The following RANBP2 variants were observed in gnomAD, a reference collection of about 807,000 sequenced individuals.
RANBP2 encodes E3 SUMO-protein ligase RanBP2.
RANBP2 carries 57 observed loss-of-function variants against 303.6 expected under a neutral mutation model. The observed-to-expected ratio is 0.19, with a 90% confidence interval of 0.15 to 0.23. The LOEUF (loss-of-function observed/expected upper bound fraction) is 0.23, where lower values mean the gene tolerates loss of function less well. RANBP2 is among the 10% of genes least tolerant of loss of function. The probability of loss-of-function intolerance (pLI) is 1.00; values close to 1 mark genes in which losing one functional copy is unlikely to be tolerated. For synonymous variants in RANBP2, 1,167 were observed against 1,301.5 expected (o/e 0.90, Z 2.23); for missense variants, 3,138 against 3,780.8 (o/e 0.83, Z 4.46).
At chr2:109,075,581 A>AAC in the RANBP2 span, among the ~76,000 whole-genome samples, 2 of 50,308 alleles carry the variant, frequency 4.0e-5, no homozygotes, top group East Asian at 3.2e-4. Flanking sequence ...TAGACAAACA[A>AAC]AAAAAAAAAA....
chr2:109,731,386 T>C, the RANBP2 span, among the ~76,000 whole-genome samples: 74 of 152,252 alleles, frequency 4.9e-4, 1 homozygote, highest in Admixed American at 2.7e-3. Context: ...GCTCAATTTT[T>C]AGTTTTTTAA....
At chr2:109,723,705 T>C in the RANBP2 span, among the ~76,000 whole-genome samples, 1 of 152,208 alleles carries the variant, frequency 6.6e-6, no homozygotes, top group Non-Finnish European at 1.5e-5. Flanking sequence ...TTTTCTCCCA[T>C]TCTGTATAGG....
Position 108,769,752 on chromosome 2 carries a change from T to C in RANBP2, c.7849+1364T>C, listed in dbSNP as rs553868162. ...GTTGTATTTGAAAATGGACCCCGTT[T>C]TTAACAGCCAGCATTCTACAGCTTG... On this transcript the variant is annotated intron_variant, in intron 20 of 28. Transcript: ENST00000283195. Among the ~76,000 whole-genome samples the C allele has an allele frequency of 9.2e-5, 14 of 152,044 alleles. No homozygotes were observed. The South Asian group carries it at 2.9e-3, about 32-fold the overall frequency.
chr2:109,613,696 T>A, the RANBP2 span: 1 of 791,736 alleles, frequency 1.3e-6, no homozygotes, highest in Non-Finnish European at 1.7e-6. Flanking sequence ...GGGGCGCGGG[T>A]CACAATCCCG....
At chr2:109,644,428 C>T in the RANBP2 span, among the ~76,000 whole-genome samples, 4 of 152,256 alleles carry the variant, frequency 2.6e-5, no homozygotes, top group African/African-American at 7.2e-5. Flanking sequence ...GTGAATGCCT[C>T]GGGCGGTTCC....
Position 108,768,249 on chromosome 2 carries a change from C to A in RANBP2, c.7710C>A (p.Ser2570Arg), listed in dbSNP as rs748626354. 4.3e-6 allele frequency: 7 copies of A among 1,611,922 alleles called. No homozygotes were observed. In the South Asian group the frequency reaches 6.6e-5, roughly 15 times the overall value. Residue 2570 changes from serine (S) to arginine (R), a missense_variant, in exon 20 of 29, where the codon AGC becomes AGA. Ser to Arg is a moderately radical substitution (Grantham distance 110, BLOSUM62 -1). Around this residue, in one of 20 missense-constraint regions of RANBP2, gnomAD observed 497 missense variants for 465.8 expected, o/e 1.07. Coordinates refer to ENST00000283195, the MANE Select transcript of RANBP2 (RefSeq NM_006267.5). Reference protein sequence around the residue: ...TSSVAQSGSESKVEPKKCELS... With the variant: ...TSSVAQSGSERKVEPKKCELS... Reference sequence around the variant, plus strand: ...CAGTAGCCCAGAGTGGATCTGAAAGCAAAGTGGAACCTAAAAAATGTGAAC... The same window carrying A: ...CAGTAGCCCAGAGTGGATCTGAAAGAAAAGTGGAACCTAAAAAATGTGAAC...
At chr2:109,471,685 T>G in the RANBP2 span, among the ~76,000 whole-genome samples, 1 of 151,866 alleles carries the variant, frequency 6.6e-6, no homozygotes, top group East Asian at 1.9e-4. Flanking sequence ...TGGGGCGGGG[T>G]CTAAGTCTCT....
the RANBP2 span, among the ~76,000 whole-genome samples, chr2:109,477,722 C>T: frequency 2.0e-5 from 3 of 152,070 alleles, no homozygotes; most frequent in African/African-American, 7.2e-5. Context: ...ACCACAGATT[C>T]GGTGTCTGGT....
At chr2:109,106,108 G>A in the RANBP2 span, among the ~76,000 whole-genome samples, 4 of 149,720 alleles carry the variant, frequency 2.7e-5, no homozygotes, top group Admixed American at 6.6e-5. Context: ...TGGTCTGCCC[G>A]CCCCAGCTTC....
At chr2:108,891,901 C>T in the RANBP2 span, among the ~76,000 whole-genome samples, 2 of 152,218 alleles carry the variant, frequency 1.3e-5, no homozygotes, top group South Asian at 2.1e-4. Context: ...TTAGGCCCAA[C>T]CATAGGCCCC....
At chr2:109,243,980 C>T in the RANBP2 span, among the ~76,000 whole-genome samples, 2 of 152,198 alleles carry the variant, frequency 1.3e-5, no homozygotes, top group Non-Finnish European at 2.9e-5. Flanking sequence ...TTGCCCTGCC[C>T]AGCTCATGTG....
the RANBP2 span, among the ~76,000 whole-genome samples, chr2:109,430,817 A>C: frequency 6.6e-6 from 1 of 152,134 alleles, no homozygotes; most frequent in Admixed American, 6.5e-5. Context: ...AGTTGGTCCT[A>C]ATTTCACTGT....
At chr2:109,266,327 G>A in the RANBP2 span, among the ~76,000 whole-genome samples, 3 of 151,982 alleles carry the variant, frequency 2.0e-5, no homozygotes, top group East Asian at 1.9e-4. Flanking sequence ...TATGGTGTGT[G>A]TGTTGTGTGT....
chr2:109,163,390 CT>C, the RANBP2 span, among the ~76,000 whole-genome samples: 47 of 70,264 alleles, frequency 6.7e-4, no homozygotes, highest in Admixed American at 1.1e-3. Flanking sequence ...AGCAAATATT[CT>C]TTTTTTTTTT....
At chr2:109,509,550 T>A in the RANBP2 span, among the ~76,000 whole-genome samples, 1 of 152,074 alleles carries the variant, frequency 6.6e-6, no homozygotes, top group African/African-American at 2.4e-5. Context: ...CCAGTGTTCC[T>A]CTTCTTTTTA....
At chr2:109,764,564 A>G in the RANBP2 span, among the ~76,000 whole-genome samples, 3 of 149,856 alleles carry the variant, frequency 2.0e-5, 1 homozygote, top group South Asian at 4.4e-4. Context: ...CAAATGAGGA[A>G]ATTAAGACAA....
At chr2:109,503,773 G>A in the RANBP2 span, 2 of 152,172 alleles carry the variant, frequency 1.3e-5, no homozygotes, top group Non-Finnish European at 1.5e-5. Flanking sequence ...CAACAGAATA[G>A]AGTAACCTGA....
chr2:109,432,557 A>G, the RANBP2 span: 2 of 1,613,722 alleles, frequency 1.2e-6, no homozygotes, highest in Non-Finnish European at 1.7e-6. Context: ...GAGCTGCACA[A>G]GGGAGAGATG....
chr2:109,736,332 C>T, the RANBP2 span, among the ~76,000 whole-genome samples: 2 of 152,316 alleles, frequency 1.3e-5, no homozygotes, highest in East Asian at 3.9e-4. Flanking sequence ...TCCCAGGCAC[C>T]TTCCATTTCT....
Sources: allele counts gnomAD v4.1 joint callset (sites outside exome capture counted in the v4.1 genomes callset), GRCh38; gene constraint gnomAD v4.1.1; regional missense constraint gnomAD v4.1.1; transcripts MANE v1.5; gene names NCBI Gene and HGNC (gene_info 2026-07-23, HGNC 2026-07-21).